The following RGS13 variants were observed in gnomAD, a reference collection of about 807,000 sequenced individuals.
RGS13 encodes the protein regulator of G-protein signalling 13.
RGS13 carries 14 observed loss-of-function variants against 19.9 expected under a neutral mutation model. That is an observed-to-expected ratio of 0.70 (90% CI 0.46 to 1.10). The LOEUF is 1.10. Ranked by LOEUF, RGS13 falls within the 50% of genes least tolerant of loss-of-function variation. The probability of loss-of-function intolerance (pLI) is 0.00; values close to 1 mark genes in which losing one functional copy is unlikely to be tolerated. For synonymous variants in RGS13, 60 were observed against 56.8 expected, an observed-to-expected ratio of 1.06 and a Z score of -0.25; for missense variants, 205 against 187.1, an observed-to-expected ratio of 1.10 and a Z score of -0.56.
intron 5 of RGS13, among the ~76,000 whole-genome samples, 182 bp from the exon 6 acceptor site, chr1:192,658,019 G>A (rs570866794): frequency 2.0e-5 from 3 of 152,188 alleles, no homozygotes; most frequent in Admixed American, 2.0e-4. Flanking sequence ...GTCAAAGCAC[G>A]CTTCAGATGT....
intron 6 of RGS13, 67 bp downstream of exon 6, chr1:192,658,434 G>A (rs1571588856): frequency 5.5e-6 from 8 of 1,451,778 alleles, no homozygotes; most frequent in Admixed American, 2.1e-5. Flanking sequence ...TATCTGTCAA[G>A]CATCCATAAG....
intron 3 of RGS13, 68 bp from the exon 4 acceptor site, chr1:192,644,263 G>A (rs1011280909): frequency 2.4e-5 from 27 of 1,144,468 alleles, no homozygotes; most frequent in African/African-American, 3.2e-5. Flanking sequence ...ATGTTCCTTA[G>A]AAACTGACTG....
chr1:192,651,641 ATTGT>A (rs998089726), intron 5 of RGS13, among the ~76,000 whole-genome samples: 10 of 150,366 alleles, frequency 6.7e-5, no homozygotes, highest in African/African-American at 1.8e-4. Context: ...CAGAAAAAAA[ATTGT>A]TTGGCCATCC....
intron 5 of RGS13, among the ~76,000 whole-genome samples, chr1:192,650,296 T>C (rs1208035128): frequency 6.6e-6 from 1 of 152,072 alleles, no homozygotes; most frequent in African/African-American, 2.4e-5. Context: ...GGTAAGAGCC[T>C]TTCCAGAAAT....
At chr1:192,649,003 C>A (rs1014829163) in intron 5 of RGS13, among the ~76,000 whole-genome samples, 1 of 152,086 alleles carries the variant, frequency 6.6e-6, no homozygotes, top group Non-Finnish European at 1.5e-5. Flanking sequence ...AGACACTTGG[C>A]TACTCCTGCT....
At chr1:192,652,690 A>G (rs1663364422) in intron 5 of RGS13, among the ~76,000 whole-genome samples, 1 of 152,044 alleles carries the variant, frequency 6.6e-6, no homozygotes, top group Non-Finnish European at 1.5e-5. Flanking sequence ...CTAGATGTTC[A>G]ATAACTAAGG....
intron 5 of RGS13, among the ~76,000 whole-genome samples, chr1:192,656,955 T>G (rs1238223741): frequency 6.6e-6 from 1 of 152,130 alleles, no homozygotes; most frequent in African/African-American, 2.4e-5. Context: ...ATGATCTTAC[T>G]CATCATTTCC....
rs75651893 is a variant in RGS13, at chr1:192,644,900, G to A, written c.65+501G>A. The A allele has an allele frequency of 7.5e-3, 1,149 of 152,802 alleles. 43 individuals are homozygous for A. The highest frequency in any genetic ancestry group is 0.059 in the Admixed American group (908 of 15,298). The allele number at this position is 152,802 out of a possible 1,614,324, so 9.5% of individuals were successfully genotyped here. ...TGCCTGAGAAAAGTAACAGACCATT[G>A]CATTGGATTTCCTCACCTGAAAGAA... On this transcript the variant is annotated intron_variant, in intron 4 of 6. Transcript: ENST00000391995.
chr1:192,641,306 GA>G lies in RGS13; in HGVS notation c.-4-3021del, dbSNP rs71563592. Among the ~76,000 whole-genome samples the G allele has an allele frequency of 7.1e-4, 75 of 105,598 alleles. 1 individual carries two copies. The East Asian group carries it at 0.016, about 22-fold the overall frequency. 69.3% of individuals were successfully genotyped at this position (105,598 alleles called of 152,430 possible). On this transcript the variant is annotated intron_variant, in intron 3 of 6. Transcript: ENST00000391995. ...AGAAAGAAAGAAAGAAAGAAAGAAAGAAAAGAAAGAAAGGAGGGAGGGAGGA... is the reference window on the plus strand; with the variant it reads ...AGAAAGAAAGAAAGAAAGAAAGAAAGAAAGAAAGAAAGGAGGGAGGGAGGA...
chr1:192,638,720 T>C (rs1663055122), intron 3 of RGS13, among the ~76,000 whole-genome samples: 1 of 152,142 alleles, frequency 6.6e-6, no homozygotes, highest in Admixed American at 6.6e-5. Context: ...CTATTTATTC[T>C]ATGCATAACA....
chr1:192,654,178 A>G (rs1266937438), intron 5 of RGS13, among the ~76,000 whole-genome samples: 1 of 151,858 alleles, frequency 6.6e-6, no homozygotes, highest in Non-Finnish European at 1.5e-5. Flanking sequence ...AGTTTAATTA[A>G]AAAATGAAAT....
chr1:192,643,455 T>TCA (rs10653176), intron 3 of RGS13, among the ~76,000 whole-genome samples: 56,318 of 151,862 alleles, frequency 0.37, 12,248 homozygotes, highest in East Asian at 0.59. Context: ...TATGTATTGT[T>TCA]ATGTAAAGGT....
intron 5 of RGS13, among the ~76,000 whole-genome samples, chr1:192,655,402 C>T (rs989396008): frequency 5.3e-5 from 8 of 152,126 alleles, no homozygotes; most frequent in Non-Finnish European, 7.4e-5. Context: ...TGATACACAA[C>T]AGCTAGGGTC....
chr1:192,644,270 A>G (rs1253724162), intron 3 of RGS13, 61 bp from the exon 4 acceptor site: 2 of 1,198,512 alleles, frequency 1.7e-6, no homozygotes, highest in Non-Finnish European at 2.4e-6. Context: ...TTAGAAACTG[A>G]CTGTAACATA....
At chr1:192,652,325 C>G (rs1663357339) in intron 5 of RGS13, among the ~76,000 whole-genome samples, 1 of 152,030 alleles carries the variant, frequency 6.6e-6, no homozygotes, top group African/African-American at 2.4e-5. Context: ...TTTTGTACAT[C>G]CTGATCCCAG....
intron 4 of RGS13, 23 bp downstream of exon 4, chr1:192,644,422 T>C (rs760650854): frequency 2.0e-6 from 3 of 1,525,034 alleles, no homozygotes; most frequent in African/African-American, 1.4e-5. Context: ...TAAGTTTCTA[T>C]GGTAATTGTA....
chr1:192,649,620 C>T (rs998613759), intron 5 of RGS13, among the ~76,000 whole-genome samples: 1 of 152,224 alleles, frequency 6.6e-6, no homozygotes, highest in Non-Finnish European at 1.5e-5. Flanking sequence ...TACACCCTAA[C>T]CCAAAACATT....
At chr1:192,654,176 TA>T (rs1316196401) in intron 5 of RGS13, among the ~76,000 whole-genome samples, 1 of 151,800 alleles carries the variant, frequency 6.6e-6, no homozygotes, top group African/African-American at 2.4e-5. Context: ...AAAGTTTAAT[TA>T]AAAAATGAAA....
intron 3 of RGS13, among the ~76,000 whole-genome samples, chr1:192,642,497 TTCTTTTTGTTGGAGAGACAGGGTCTCTC>T (rs1236407492): frequency 6.6e-6 from 1 of 151,826 alleles, no homozygotes. Flanking sequence ...AATTTTTTTT[TTCTTTTTGTTGGAGAGACAGGGTCTCTC>T]TATGCTGCCC....
Sources: allele counts gnomAD v4.1 joint callset (sites outside exome capture counted in the v4.1 genomes callset), GRCh38; gene constraint gnomAD v4.1.1; transcripts MANE v1.5; gene names NCBI Gene and HGNC (gene_info 2026-07-23, HGNC 2026-07-21).